The following PACRG variants were observed in gnomAD, a reference collection of about 807,000 sequenced individuals.
PACRG encodes the protein parkin coregulated.
A neutral mutation model predicts 29.7 loss-of-function variants in PACRG; 29 were observed. The ratio of observed to expected loss-of-function variants is 0.98; its 90% CI spans 0.73 to 1.33. The LOEUF (loss-of-function observed/expected upper bound fraction) is 1.33. PACRG is among the 40% of genes most tolerant of loss of function. PACRG has a pLI of 0.00. For synonymous variants in PACRG, 116 were observed against 118.7 expected (o/e 0.98, Z 0.15); for missense variants, 279 against 316.2 (o/e 0.88, Z 0.89).
chr6:163,281,154 G>A (rs570261968), intron 4 of PACRG, among the ~76,000 whole-genome samples: 2 of 152,266 alleles, frequency 1.3e-5, no homozygotes, highest in Admixed American at 1.3e-4. Flanking sequence ...GGCTGGAGCG[G>A]TGGAGAGGTG....
intron 4 of PACRG, among the ~76,000 whole-genome samples, chr6:163,146,416 C>T (rs1015934186): frequency 2.0e-5 from 3 of 152,198 alleles, no homozygotes; most frequent in African/African-American, 7.2e-5. Flanking sequence ...ATTAATAAGA[C>T]AAAGTCGTGA....
chr6:162,929,197 T>G (rs1017527179), intron 2 of PACRG, among the ~76,000 whole-genome samples: 1 of 151,978 alleles, frequency 6.6e-6, no homozygotes, highest in African/African-American at 2.4e-5. Flanking sequence ...CTTCATACAG[T>G]TTTTCTTACT....
chr6:163,120,071 T>C (rs368909742), intron 4 of PACRG, among the ~76,000 whole-genome samples: 3 of 152,180 alleles, frequency 2.0e-5, no homozygotes, highest in East Asian at 3.9e-4. Context: ...TTTTTTATAA[T>C]AGAAATGTGA....
intron 2 of PACRG, among the ~76,000 whole-genome samples, chr6:162,881,680 C>A (rs1793857915): frequency 1.4e-5 from 2 of 147,012 alleles, no homozygotes; most frequent in Admixed American, 6.8e-5. Flanking sequence ...GACCCAGGGA[C>A]ACTCTCCAAC....
At chr6:162,793,229 T>C (rs1785103219) in intron 1 of PACRG, among the ~76,000 whole-genome samples, 1 of 152,222 alleles carries the variant, frequency 6.6e-6, no homozygotes, top group Non-Finnish European at 1.5e-5. Context: ...CTTTTACAAA[T>C]ACTGCTGCCA....
chr6:163,048,929 T>C (rs1002968276), intron 2 of PACRG, among the ~76,000 whole-genome samples: 1 of 152,150 alleles, frequency 6.6e-6, no homozygotes, highest in Non-Finnish European at 1.5e-5. Flanking sequence ...CTTTCCAAAA[T>C]AGTCCTTATA....
intron 4 of PACRG, among the ~76,000 whole-genome samples, chr6:163,186,359 G>T (rs994651718): frequency 6.6e-6 from 1 of 152,048 alleles, no homozygotes; most frequent in African/African-American, 2.4e-5. Flanking sequence ...GAATTCTCTC[G>T]TGTGCCCCCT....
intron 4 of PACRG, among the ~76,000 whole-genome samples, chr6:163,197,058 G>C (rs1040030212): frequency 6.6e-6 from 1 of 152,148 alleles, no homozygotes; most frequent in African/African-American, 2.4e-5. Flanking sequence ...CAGAAAAAAA[G>C]TAAGAAGAAC....
At chr6:162,796,056 A>AT (rs925813118) in intron 1 of PACRG, among the ~76,000 whole-genome samples, 24 of 151,994 alleles carry the variant, frequency 1.6e-4, no homozygotes, top group East Asian at 1.9e-4. Flanking sequence ...TTTTAACCTC[A>AT]TTTTTTTTCT....
intron 4 of PACRG, among the ~76,000 whole-genome samples, chr6:163,269,819 AGG>A (rs1344978942): frequency 9.6e-5 from 5 of 52,092 alleles, no homozygotes; most frequent in African/African-American, 2.7e-4. Flanking sequence ...GAAGGAAGGA[AGG>A]AGAAAGAAAG....
chr6:162,855,854 T>G (rs989910468), intron 2 of PACRG, among the ~76,000 whole-genome samples: 2 of 152,070 alleles, frequency 1.3e-5, no homozygotes, highest in Non-Finnish European at 2.9e-5. Context: ...TAACTGGCCT[T>G]CCTTGGGCAC....
chr6:162,770,630 T>A (rs1257345558), intron 1 of PACRG, among the ~76,000 whole-genome samples: 1 of 152,172 alleles, frequency 6.6e-6, no homozygotes, highest in East Asian at 1.9e-4. Flanking sequence ...TGTTTGATTA[T>A]TGTTATATAC....
At chr6:162,844,703 A>G (rs1464318320) in intron 2 of PACRG, among the ~76,000 whole-genome samples, 1 of 152,234 alleles carries the variant, frequency 6.6e-6, no homozygotes, top group African/African-American at 2.4e-5. Flanking sequence ...TGTTGAATGT[A>G]ATATTTTTAT....
chr6:162,782,629 C>G (rs1295561961), intron 1 of PACRG, among the ~76,000 whole-genome samples: 1 of 151,758 alleles, frequency 6.6e-6, no homozygotes, highest in Admixed American at 6.6e-5. Flanking sequence ...ATTTAACTGT[C>G]ACTCTTTACA....
chr6:163,096,735 G>GTGTT (rs1814626299), intron 4 of PACRG, among the ~76,000 whole-genome samples: 1 of 152,170 alleles, frequency 6.6e-6, no homozygotes, highest in Non-Finnish European at 1.5e-5. Context: ...TGAAACTAGC[G>GTGTT]TGTTAGGTAA....
chr6:162,908,112 CAT>C (rs1238893014), intron 2 of PACRG, among the ~76,000 whole-genome samples: 2 of 152,130 alleles, frequency 1.3e-5, no homozygotes, highest in Non-Finnish European at 2.9e-5. Context: ...ATTTTTAAGT[CAT>C]AGGCATATAT....
intron 2 of PACRG, among the ~76,000 whole-genome samples, chr6:163,036,857 TATCCATCCATCC>T (rs71008132): frequency 0.25 from 36,513 of 148,624 alleles, 5,197 homozygotes; most frequent in African/African-American, 0.39. Context: ...TCCATCCAGC[TATCCATCCATCC>T]ATCCATCCAT....
At chr6:162,785,764 G>T (rs1470926818) in intron 1 of PACRG, among the ~76,000 whole-genome samples, 1 of 152,216 alleles carries the variant, frequency 6.6e-6, no homozygotes, top group Non-Finnish European at 1.5e-5. Context: ...AGCTCAGGCG[G>T]TAATGCTGGC....
chr6:162,920,269 A>G (rs1300677820), intron 2 of PACRG, among the ~76,000 whole-genome samples: 2 of 152,160 alleles, frequency 1.3e-5, no homozygotes, highest in East Asian at 1.9e-4. Context: ...TGCACAATTA[A>G]TTAAACTCCC....
Sources: allele counts gnomAD v4.1 joint callset (sites outside exome capture counted in the v4.1 genomes callset), GRCh38; gene constraint gnomAD v4.1.1; transcripts MANE v1.5; gene names NCBI Gene and HGNC (gene_info 2026-07-23, HGNC 2026-07-21).